Variants in CDH22 observed in about 807,000 individuals in gnomAD.
The protein encoded by CDH22 is cadherin-22.
In CDH22, 30 loss-of-function variants were observed where a neutral mutation model predicts 58.4. The observed-to-expected ratio is 0.51, with a 90% confidence interval of 0.38 to 0.70. CDH22 has a LOEUF of 0.70. CDH22 is among the 30% of genes least tolerant of loss of function. The pLI, the probability that CDH22 is intolerant of heterozygous loss-of-function variation, is 0.00. For missense variants in CDH22, 1,014 were observed against 1,233.9 expected, an observed-to-expected ratio of 0.82 and a Z score of 2.67; for synonymous variants, 513 against 558.2, an observed-to-expected ratio of 0.92 and a Z score of 1.14.
intron 1 of CDH22, among the ~76,000 whole-genome samples, chr20:46,286,690 A>C (rs1262939155): frequency 1.3e-5 from 2 of 152,092 alleles, no homozygotes; most frequent in East Asian, 3.9e-4. Flanking sequence ...GGGCTGAGTG[A>C]GAGGGGGTGG....
chr20:46,275,942 T>G, intron 1 of CDH22, among the ~76,000 whole-genome samples: 1 of 150,354 alleles, frequency 6.7e-6, no homozygotes. Flanking sequence ...TAAGTAGAAA[T>G]TGGCCAGGTG....
intron 4 of CDH22, among the ~76,000 whole-genome samples, chr20:46,225,006 G>T (rs2086160697): frequency 1.3e-5 from 2 of 152,210 alleles, no homozygotes. Flanking sequence ...AAGCTCTGTA[G>T]CAGCAGCCCA....
chr20:46,280,154 T>G (rs923719129), intron 1 of CDH22, among the ~76,000 whole-genome samples: 1 of 152,188 alleles, frequency 6.6e-6, no homozygotes, highest in Admixed American at 6.5e-5. Flanking sequence ...GTGCGGTAGC[T>G]CACACCTGTA....
At chr20:46,206,327 C>T (rs982774197) in intron 7 of CDH22, among the ~76,000 whole-genome samples, 2 of 152,204 alleles carry the variant, frequency 1.3e-5, no homozygotes, top group African/African-American at 2.4e-5. Context: ...TCAGTTTCTT[C>T]GTCTGTCAAA....
intron 8 of CDH22, among the ~76,000 whole-genome samples, chr20:46,197,837 C>T (rs541636861): frequency 6.6e-6 from 1 of 152,218 alleles, no homozygotes; most frequent in South Asian, 2.1e-4. Context: ...TAGGGACTTC[C>T]TTGACCCCAG....
chr20:46,236,936 A>G (rs2086257730), intron 3 of CDH22, among the ~76,000 whole-genome samples: 1 of 152,114 alleles, frequency 6.6e-6, no homozygotes, highest in Admixed American at 6.5e-5. Flanking sequence ...CAGGCAATTC[A>G]CCGGCCTTGG....
chr20:46,252,516 T>A (rs2145739580), intron 1 of CDH22, among the ~76,000 whole-genome samples: 1 of 152,376 alleles, frequency 6.6e-6, no homozygotes, highest in Admixed American at 6.5e-5. Context: ...GACTAACGCC[T>A]ACTCAAGCCA....
intron 7 of CDH22, 129 bp from the exon 8 acceptor site, chr20:46,199,688 C>T: frequency 8.5e-7 from 1 of 1,179,052 alleles, no homozygotes; most frequent in Non-Finnish European, 1.2e-6. Flanking sequence ...AGAGAAACCC[C>T]TTGCGACCGA....
intron 1 of CDH22, among the ~76,000 whole-genome samples, chr20:46,281,823 G>A (rs1255100752): frequency 6.6e-6 from 1 of 152,268 alleles, no homozygotes; most frequent in Non-Finnish European, 1.5e-5. Context: ...TATGAGAAAG[G>A]AGTTTACAGT....
At chr20:46,221,286 T>G (rs1044489117) in intron 4 of CDH22, among the ~76,000 whole-genome samples, 1 of 151,404 alleles carries the variant, frequency 6.6e-6, no homozygotes, top group African/African-American at 2.4e-5. Flanking sequence ...TTTTCTTTTT[T>G]TTTTTTTTTT....
At chr20:46,253,670 G>A (rs1313633848) in intron 1 of CDH22, among the ~76,000 whole-genome samples, 1 of 152,154 alleles carries the variant, frequency 6.6e-6, no homozygotes, top group African/African-American at 2.4e-5. Flanking sequence ...CTGGAGTTAT[G>A]GGTGAGGAGG....
intron 1 of CDH22, among the ~76,000 whole-genome samples, chr20:46,258,041 A>G (rs892597550): frequency 2.2e-4 from 34 of 152,316 alleles, no homozygotes; most frequent in Non-Finnish European, 4.4e-4. Flanking sequence ...ATAACTGTTA[A>G]TAATGTTCCC....
At chr20:46,265,241 G>A (rs973769776) in intron 1 of CDH22, among the ~76,000 whole-genome samples, 2 of 152,150 alleles carry the variant, frequency 1.3e-5, no homozygotes, top group African/African-American at 4.8e-5. Context: ...GCCCTGCCAT[G>A]GTGCCAGCCA....
intron 1 of CDH22, among the ~76,000 whole-genome samples, chr20:46,305,552 C>T (rs576040348): frequency 6.6e-6 from 1 of 152,188 alleles, no homozygotes; most frequent in Admixed American, 6.5e-5. Context: ...CAGACACCAC[C>T]GTAGGGTCTT....
At chr20:46,176,052 T>G (rs1042156314) in intron 11 of CDH22, among the ~76,000 whole-genome samples, 4 of 152,182 alleles carry the variant, frequency 2.6e-5, no homozygotes, top group Non-Finnish European at 5.9e-5. Context: ...CTTCACTTGA[T>G]TTCCAGGACT....
At chr20:46,272,403 G>T (rs1472097479) in intron 1 of CDH22, among the ~76,000 whole-genome samples, 1 of 152,178 alleles carries the variant, frequency 6.6e-6, no homozygotes, top group Non-Finnish European at 1.5e-5. Flanking sequence ...AGAAATCCAG[G>T]CTGGAGATAT....
chr20:46,219,060 G>C (rs186463700), intron 4 of CDH22, among the ~76,000 whole-genome samples: 1 of 152,334 alleles, frequency 6.6e-6, no homozygotes, highest in East Asian at 1.9e-4. Context: ...TAGGGCGTGT[G>C]TGTATGTGTG....
At chr20:46,186,022 G>A (rs148021862) in intron 10 of CDH22, among the ~76,000 whole-genome samples, 1 of 152,010 alleles carries the variant, frequency 6.6e-6, no homozygotes, top group East Asian at 1.9e-4. Flanking sequence ...AGACTAGTCT[G>A]GGCAATACGG....
chr20:46,245,390 G>C (rs1300543632), intron 2 of CDH22, among the ~76,000 whole-genome samples: 1 of 152,120 alleles, frequency 6.6e-6, no homozygotes, highest in Non-Finnish European at 1.5e-5. Context: ...CTAACTTCTA[G>C]TGTTGCACAT....
Sources: gnomAD v4.1 joint callset for allele counts (sites outside exome capture counted in the v4.1 genomes callset) on GRCh38, gnomAD v4.1.1 for gene constraint, MANE v1.5 for transcripts, NCBI Gene and HGNC (gene_info 2026-07-23, HGNC 2026-07-21) for gene names.